The following MAST4 variants were observed in gnomAD, a reference collection of about 807,000 sequenced individuals.
MAST4 encodes the protein microtubule associated serine/threonine kinase family member 4.
Under a neutral mutation model 162.7 loss-of-function variants are expected in MAST4, and 89 were observed. The ratio of observed to expected loss-of-function variants is 0.55; its 90% CI spans 0.46 to 0.65. MAST4 has a LOEUF of 0.65. Among genes scored for constraint, MAST4 ranks in the 30% least tolerant of loss-of-function variants. The pLI is 0.00. For missense variants in MAST4, 3,153 were observed against 3,374.0 expected (o/e 0.93, Z 1.62); for synonymous variants, 1,479 against 1,361.1 (o/e 1.09, Z -1.91).
intron 4 of MAST4, among the ~76,000 whole-genome samples, chr5:66,904,658 A>G (rs979083489): frequency 2.6e-5 from 4 of 150,972 alleles, no homozygotes; most frequent in Non-Finnish European, 5.9e-5. Flanking sequence ...TTCTCTGGCC[A>G]CACCTGCTTG....
intron 4 of MAST4, among the ~76,000 whole-genome samples, chr5:66,914,178 T>C (rs982958859): frequency 2.6e-5 from 4 of 152,194 alleles, no homozygotes; most frequent in Non-Finnish European, 4.4e-5. Context: ...TGAAATCATA[T>C]TGAATCCATA....
intron 18 of MAST4, among the ~76,000 whole-genome samples, chr5:67,135,952 A>G (rs1769584698): frequency 6.6e-6 from 1 of 152,174 alleles, no homozygotes; most frequent in Non-Finnish European, 1.5e-5. Context: ...TATTTATGAC[A>G]GATTTTAAAT....
At position 67,165,138 on chromosome 5, in the gene MAST4, G is replaced by C; in HGVS notation, c.5959G>C (p.Ala1987Pro). The C allele has an allele frequency of 6.3e-7, 1 of 1,590,520 alleles. No homozygotes were observed. The highest frequency in any genetic ancestry group is 1.8e-5 in the Admixed American group (1 of 55,778). ...GPPTARSERS[A>P]ARADTCREPS... ...TCCCACAGCCAGAAGCGAGCGCTCT[G>C]CTGCGAGGGCTGACACATGCAGAGA... Residue 1987 changes from alanine to proline, a missense_variant, in exon 29 of 29, where the codon GCT becomes CCT. Physicochemically the swap from Ala to Pro is conservative, Grantham distance 27. Around this residue, in one of 7 missense-constraint regions of MAST4, gnomAD observed 1,644 missense variants for 1,495.0 expected, o/e 1.10. Transcript: ENST00000403625.
chr5:67,021,861 A>G (rs1424941295), intron 4 of MAST4, among the ~76,000 whole-genome samples: 1 of 152,168 alleles, frequency 6.6e-6, no homozygotes, highest in Non-Finnish European at 1.5e-5. Flanking sequence ...ATTTTTCAGG[A>G]TACTAAAAGG....
chr5:67,147,161 T>C (rs1244808240), intron 23 of MAST4, among the ~76,000 whole-genome samples: 2 of 150,222 alleles, frequency 1.3e-5, no homozygotes, highest in Non-Finnish European at 1.5e-5. Flanking sequence ...CACACCATCT[T>C]TCTCTCTCTC....
intron 1 of MAST4, among the ~76,000 whole-genome samples, chr5:66,625,603 A>G (rs1744373647): frequency 6.6e-6 from 1 of 152,224 alleles, no homozygotes; most frequent in African/African-American, 2.4e-5. Flanking sequence ...AACATCTTTC[A>G]TCATCAGGAA....
chr5:67,147,743 G>GT (rs1431464706), intron 23 of MAST4, among the ~76,000 whole-genome samples: 1 of 152,228 alleles, frequency 6.6e-6, no homozygotes, highest in Non-Finnish European at 1.5e-5. Context: ...TTGTGAAGCA[G>GT]TTTTTATCAA....
intron 18 of MAST4, among the ~76,000 whole-genome samples, chr5:67,135,300 C>G (rs1040551774): frequency 6.6e-6 from 1 of 152,000 alleles, no homozygotes; most frequent in Non-Finnish European, 1.5e-5. Context: ...GCAAGCTGAC[C>G]CTAACTATTG....
intron 1 of MAST4, among the ~76,000 whole-genome samples, chr5:66,676,174 G>A (rs1490548830): frequency 6.6e-6 from 1 of 152,226 alleles, no homozygotes; most frequent in Non-Finnish European, 1.5e-5. Context: ...TGAGACCTGG[G>A]AGACACATTA....
At chr5:66,668,826 G>T (rs956571029) in intron 1 of MAST4, among the ~76,000 whole-genome samples, 7 of 152,200 alleles carry the variant, frequency 4.6e-5, no homozygotes, top group African/African-American at 1.7e-4. Context: ...GAAGCCAGAG[G>T]TGGGAGGAAA....
chr5:67,070,084 T>C (rs1217277640), intron 5 of MAST4, among the ~76,000 whole-genome samples: 1 of 151,912 alleles, frequency 6.6e-6, no homozygotes, highest in East Asian at 1.9e-4. Context: ...ATCCTTGAAA[T>C]TGAAAGAAAA....
At chr5:66,995,643 C>T (rs1750545953) in intron 4 of MAST4, among the ~76,000 whole-genome samples, 1 of 152,254 alleles carries the variant, frequency 6.6e-6, no homozygotes, top group South Asian at 2.1e-4. Flanking sequence ...CCTTTTGATC[C>T]ACCTGCCTCG....
At chr5:66,885,191 C>A (rs1345022274) in intron 3 of MAST4, among the ~76,000 whole-genome samples, 1 of 152,144 alleles carries the variant, frequency 6.6e-6, no homozygotes, top group African/African-American at 2.4e-5. Context: ...ACCAGCCATG[C>A]AGTGTGATAT....
rs1769686335 is a variant in MAST4 at position 67,136,664 on chromosome 5, G to A, written c.2494G>A (p.Gly832Ser). ...GAATCCCCTGGAGAGGCTGGGAACA[G>A]GTTAGAGCCCATGTGTTTTAATTTT... The part of the protein sequence containing the change: ...RQNPLERLGT[G>S]GAYEVKQHRF... The change falls in exon 19 of 29, where the codon GGT becomes AGT. Residue 832 changes from glycine (G) to serine (S), a missense_variant and splice_region_variant. Around this residue, in one of 7 missense-constraint regions of MAST4, gnomAD observed 62 missense variants for 63.1 expected, o/e 0.98. Coordinates refer to ENST00000403625, the MANE Select transcript of MAST4 (RefSeq NM_001164664.2). 2 of 1,590,190 alleles carry A rather than the reference G, an allele frequency of 1.3e-6. No individual in the cohort carries two copies. Among genetic ancestry groups the A allele is most frequent in the Non-Finnish European group, 1.7e-6 (2 of 1,166,908 alleles).
intron 1 of MAST4, among the ~76,000 whole-genome samples, chr5:66,642,754 A>G (rs1160558231): frequency 1.3e-5 from 2 of 152,216 alleles, no homozygotes; most frequent in African/African-American, 4.8e-5. Context: ...CTCTGAGACT[A>G]TTCAAACAAA....
At chr5:66,881,413 CT>C (rs1375695576) in intron 3 of MAST4, among the ~76,000 whole-genome samples, 6 of 152,192 alleles carry the variant, frequency 3.9e-5, no homozygotes, top group Non-Finnish European at 4.4e-5. Flanking sequence ...CCAAAAACAT[CT>C]GAGAGGAAAA....
chr5:67,093,572 C>A, intron 6 of MAST4: 1 of 434,670 alleles, frequency 2.3e-6, no homozygotes, highest in Non-Finnish European at 4.7e-6. Flanking sequence ...TGGTCCCTGG[C>A]TGTACAGAGT....
intron 1 of MAST4, among the ~76,000 whole-genome samples, chr5:66,609,737 A>G (rs77920293): frequency 0.033 from 4,969 of 149,506 alleles, 268 homozygotes; most frequent in African/African-American, 0.11. Flanking sequence ...TTTAAAACAA[A>G]GGCAGACAGT....
chr5:67,114,261 A>T, intron 12 of MAST4, 42 bp downstream of exon 12: 1 of 1,582,166 alleles, frequency 6.3e-7, no homozygotes, highest in Non-Finnish European at 8.5e-7. Flanking sequence ...TTGCTTATGC[A>T]CTGTCGCCTC....
Sources: allele counts gnomAD v4.1 joint callset (sites outside exome capture counted in the v4.1 genomes callset), GRCh38; gene constraint gnomAD v4.1.1; regional missense constraint gnomAD v4.1.1; transcripts MANE v1.5; gene names NCBI Gene and HGNC (gene_info 2026-07-23, HGNC 2026-07-21).